TMEM132D: variants seen among roughly 807,000 people sequenced by gnomAD.
TMEM132D encodes transmembrane protein 132D, also known as mature OL transmembrane protein.
In TMEM132D, 21 loss-of-function variants were observed where a neutral mutation model predicts 62.3. That is an observed-to-expected ratio of 0.34 (90% confidence interval 0.24 to 0.49). TMEM132D has a LOEUF of 0.49. Ranked by LOEUF, TMEM132D falls within the 20% of genes least tolerant of loss-of-function variation. The pLI, the probability that TMEM132D is intolerant of heterozygous loss-of-function variation, is 0.99. For synonymous variants in TMEM132D, 621 were observed against 575.6 expected (o/e 1.08, Z -1.13); for missense variants, 1,346 against 1,402.8 (o/e 0.96, Z 0.65).
At chr12:129,524,866 T>C (rs894631605) in intron 3 of TMEM132D, among the ~76,000 whole-genome samples, 1 of 150,818 alleles carries the variant, frequency 6.6e-6, no homozygotes, top group Non-Finnish European at 1.5e-5. Context: ...AAGAAAAGAG[T>C]TCTCTGTTGT....
chr12:129,247,316 G>A (rs2135588157), intron 4 of TMEM132D, among the ~76,000 whole-genome samples: 1 of 152,286 alleles, frequency 6.6e-6, no homozygotes, highest in South Asian at 2.1e-4. Flanking sequence ...CATGGTGAGT[G>A]TCACGATCTG....
At chr12:129,801,930 G>C (rs1041143037) in intron 1 of TMEM132D, among the ~76,000 whole-genome samples, 3 of 151,628 alleles carry the variant, frequency 2.0e-5, no homozygotes, top group Non-Finnish European at 4.4e-5. Flanking sequence ...CTGGAAGAAA[G>C]GGTATCAGCG....
intron 1 of TMEM132D, among the ~76,000 whole-genome samples, chr12:129,879,518 G>A (rs1018720985): frequency 7.2e-5 from 11 of 152,202 alleles, no homozygotes; most frequent in Non-Finnish European, 2.9e-5. Flanking sequence ...CCTGCAAAGC[G>A]AGAAGAAACG....
chr12:129,776,938 T>C (rs1870954087), intron 1 of TMEM132D, among the ~76,000 whole-genome samples: 1 of 152,226 alleles, frequency 6.6e-6, no homozygotes, highest in African/African-American at 2.4e-5. Context: ...TATCTTTGAA[T>C]AGCGTCATTT....
At chr12:129,358,238 T>A (rs1870136612) in intron 3 of TMEM132D, among the ~76,000 whole-genome samples, 1 of 152,204 alleles carries the variant, frequency 6.6e-6, no homozygotes, top group African/African-American at 2.4e-5. Context: ...TGGGTTTCAT[T>A]GCTCGGTTTT....
chr12:129,465,107 G>A (rs1873840298), intron 3 of TMEM132D, among the ~76,000 whole-genome samples: 2 of 152,084 alleles, frequency 1.3e-5, no homozygotes, highest in African/African-American at 4.8e-5. Flanking sequence ...CCATGAGCAT[G>A]GAATGTTCTT....
intron 4 of TMEM132D, among the ~76,000 whole-genome samples, chr12:129,234,212 A>C (rs1052396317): frequency 3.3e-5 from 5 of 152,210 alleles, no homozygotes; most frequent in Non-Finnish European, 7.3e-5. Context: ...GAAATTAAGG[A>C]ATGGAAATTA....
At chr12:129,226,799 T>C (rs1375031697) in intron 4 of TMEM132D, among the ~76,000 whole-genome samples, 1 of 152,196 alleles carries the variant, frequency 6.6e-6, no homozygotes, top group Non-Finnish European at 1.5e-5. Flanking sequence ...CATTAGGAAC[T>C]CTTGCCCTGC....
intron 1 of TMEM132D, among the ~76,000 whole-genome samples, chr12:129,791,034 T>C (rs1247155236): frequency 2.6e-5 from 4 of 152,252 alleles, no homozygotes; most frequent in African/African-American, 7.2e-5. Context: ...ATTTCTGATA[T>C]CTATATTCTA....
chr12:129,667,213 C>A (rs656596), intron 2 of TMEM132D, among the ~76,000 whole-genome samples: 1 of 152,044 alleles, frequency 6.6e-6, no homozygotes, highest in Non-Finnish European at 1.5e-5. Flanking sequence ...TCTTACCTTA[C>A]GGTCAAACTA....
At chr12:129,410,801 T>C (rs1031995290) in intron 3 of TMEM132D, among the ~76,000 whole-genome samples, 1 of 152,346 alleles carries the variant, frequency 6.6e-6, no homozygotes, top group African/African-American at 2.4e-5. Context: ...GTGCATACTT[T>C]ACATATATAA....
At chr12:129,166,980 A>G (rs1877581277) in intron 5 of TMEM132D, among the ~76,000 whole-genome samples, 1 of 151,914 alleles carries the variant, frequency 6.6e-6, no homozygotes, top group South Asian at 2.1e-4. Context: ...CCTGGCCAAC[A>G]TGGCAAAACC....
At chr12:129,296,101 C>T (rs1415713823) in intron 4 of TMEM132D, among the ~76,000 whole-genome samples, 3 of 151,224 alleles carry the variant, frequency 2.0e-5, no homozygotes, top group African/African-American at 4.9e-5. Context: ...TATATATATA[C>T]ATATGTATAT....
rs539941713 is a variant in TMEM132D, at chr12:129,526,099, G to A, written c.1115+4960C>T. On this transcript the variant is annotated intron_variant, in intron 3 of 8. Coordinates refer to ENST00000422113, the MANE Select transcript of TMEM132D (RefSeq NM_133448.3). Reference sequence around the variant, plus strand: ...CACACAACAACTGTTCTGGTAGCGTGCTAATGTGAGTTTCCCCACCCTATT... The same window carrying A: ...CACACAACAACTGTTCTGGTAGCGTACTAATGTGAGTTTCCCCACCCTATT... Among the ~76,000 whole-genome samples the A allele has an allele frequency of 1.3e-3, 204 of 152,240 alleles. 1 individual carries two copies. The highest frequency in any genetic ancestry group is 4.8e-3 in the African/African-American group (199 of 41,554).
At chr12:129,242,992 C>G (rs866927622) in intron 4 of TMEM132D, among the ~76,000 whole-genome samples, 1 of 128,282 alleles carries the variant, frequency 7.8e-6, no homozygotes, top group Non-Finnish European at 1.8e-5. Context: ...CACATCTTGT[C>G]TGTTTATGTC....
intron 1 of TMEM132D, among the ~76,000 whole-genome samples, chr12:129,710,852 G>A (rs990512604): frequency 6.8e-6 from 1 of 147,792 alleles, no homozygotes; most frequent in Non-Finnish European, 1.5e-5. Flanking sequence ...GCCTTAGTGC[G>A]CACGCTGCCT....
intron 5 of TMEM132D, among the ~76,000 whole-genome samples, chr12:129,126,027 TG>T (rs1252770949): frequency 6.6e-6 from 1 of 152,228 alleles, no homozygotes; most frequent in Non-Finnish European, 1.5e-5. Flanking sequence ...ATGCCCAACC[TG>T]AGCACCCCTC....
At chr12:129,234,505 G>A (rs1879729269) in intron 4 of TMEM132D, among the ~76,000 whole-genome samples, 1 of 152,194 alleles carries the variant, frequency 6.6e-6, no homozygotes, top group Non-Finnish European at 1.5e-5. Flanking sequence ...GGCTTTCAAA[G>A]TGTGTGCCTT....
chr12:129,151,752 C>T (rs1400216086), intron 5 of TMEM132D, among the ~76,000 whole-genome samples: 2 of 152,154 alleles, frequency 1.3e-5, no homozygotes, highest in Admixed American at 6.5e-5. Flanking sequence ...TGTTGCCCCC[C>T]GTCTTCTGTC....
Sources: allele counts gnomAD v4.1 joint callset (sites outside exome capture counted in the v4.1 genomes callset), GRCh38; gene constraint gnomAD v4.1.1; transcripts MANE v1.5; gene names NCBI Gene and HGNC (gene_info 2026-07-23, HGNC 2026-07-21).